GRID1: variants seen among roughly 807,000 people sequenced by gnomAD.
GRID1 encodes the protein glutamate ionotropic receptor delta type subunit 1.
A neutral mutation model predicts 98.0 loss-of-function variants in GRID1; 28 were observed. The observed-to-expected ratio is 0.29, with a 90% confidence interval of 0.21 to 0.39. GRID1 has a LOEUF of 0.39. GRID1 is among the 10% of genes least tolerant of loss of function. GRID1 has a pLI of 1.00. For synonymous variants in GRID1, 553 were observed against 538.5 expected, an observed-to-expected ratio of 1.03 and a Z score of -0.37; for missense variants, 1,111 against 1,340.5, an observed-to-expected ratio of 0.83 and a Z score of 2.67.
In GRID1 at chr10:86,030,348, G is replaced by T. The variant is rs537361547; in HGVS notation, c.726+108471C>A. Among the ~76,000 whole-genome samples the T allele has an allele frequency of 2.0e-5, 3 of 152,340 alleles. 1 individual carries two copies. The South Asian group carries it at 6.2e-4, about 32-fold the overall frequency. ...CGAAGGGATTAATAATTGCAGGAAAGATTCCCCAAAGGTTAACAATAAAGT... is the reference window on the plus strand; with the variant it reads ...CGAAGGGATTAATAATTGCAGGAAATATTCCCCAAAGGTTAACAATAAAGT... On this transcript the variant is annotated intron_variant, in intron 4 of 15. Transcript: ENST00000327946.
chr10:85,880,926 C>T (rs1216493175), intron 5 of GRID1, among the ~76,000 whole-genome samples: 2 of 152,146 alleles, frequency 1.3e-5, no homozygotes, highest in Non-Finnish European at 2.9e-5. Context: ...TCAGCAAAGT[C>T]TCAGGATACA....
At chr10:85,644,691 G>T (rs1374375775) in intron 13 of GRID1, among the ~76,000 whole-genome samples, 3 of 152,098 alleles carry the variant, frequency 2.0e-5, no homozygotes, top group Non-Finnish European at 2.9e-5. Flanking sequence ...GGATACATTG[G>T]AGTGTAATTG....
At chr10:86,263,327 G>A (rs979252401) in intron 2 of GRID1, among the ~76,000 whole-genome samples, 1 of 152,242 alleles carries the variant, frequency 6.6e-6, no homozygotes, top group Non-Finnish European at 1.5e-5. Context: ...ATTGTAAACC[G>A]GCCTTGGAGT....
chr10:85,787,853 G>A (rs113887913), intron 8 of GRID1, among the ~76,000 whole-genome samples: 28 of 152,100 alleles, frequency 1.8e-4, no homozygotes, highest in African/African-American at 6.0e-4. Flanking sequence ...CCCTCTCTCC[G>A]GTTTCTTTCT....
intron 12 of GRID1, among the ~76,000 whole-genome samples, chr10:85,720,796 G>A (rs958501762): frequency 2.6e-5 from 4 of 152,016 alleles, no homozygotes; most frequent in East Asian, 3.9e-4. Flanking sequence ...GAAAATCTTC[G>A]GGGTCTCAGG....
chr10:86,358,922 G>A (rs772057638), intron 2 of GRID1, among the ~76,000 whole-genome samples: 1 of 151,892 alleles, frequency 6.6e-6, no homozygotes, highest in Non-Finnish European at 1.5e-5. Context: ...GCCTTGACCC[G>A]CCATTGCTGG....
intron 4 of GRID1, among the ~76,000 whole-genome samples, chr10:86,038,556 C>T (rs1843302759): frequency 6.6e-6 from 1 of 152,176 alleles, no homozygotes; most frequent in Admixed American, 6.5e-5. Context: ...AGGTGCTGTG[C>T]CCTAAACAGG....
chr10:85,602,692 C>T lies in GRID1; in HGVS notation c.2611G>A (p.Val871Met). ...CGCCGGTGGACCTGCTCCAAGTTCACTTCTTTGTCCTGGAGGGAAGGCATA... is the reference window on the plus strand; with the variant it reads ...CGCCGGTGGACCTGCTCCAAGTTCATTTCTTTGTCCTGGAGGGAAGGCATA... The part of the protein sequence containing the change: ...HQETPKEDKE[V>M]NLEQVHRRMN... Residue 871 changes from valine (V) to methionine (M), a missense_variant, in exon 16 of 16, where the codon GTG (valine) becomes ATG (methionine). Physicochemically the swap from Val to Met is conservative, Grantham distance 21 (BLOSUM62 1). Coordinates refer to ENST00000327946, the MANE Select transcript of GRID1 (RefSeq NM_017551.3). The T allele has an allele frequency of 1.9e-6, 3 of 1,610,796 alleles. No individual in the cohort carries two copies. Among genetic ancestry groups the T allele is most frequent in the East Asian group, 2.2e-5 (1 of 44,806 alleles).
chr10:86,132,566 T>C (rs1485373642), intron 4 of GRID1, among the ~76,000 whole-genome samples: 2 of 152,336 alleles, frequency 1.3e-5, no homozygotes, highest in Middle Eastern at 3.4e-3. Context: ...TTTAAAATAT[T>C]CTGGTAAATG....
At chr10:85,942,050 C>T (rs1842002854) in intron 4 of GRID1, among the ~76,000 whole-genome samples, 1 of 152,210 alleles carries the variant, frequency 6.6e-6, no homozygotes, top group Non-Finnish European at 1.5e-5. Context: ...CCTCCGTCTT[C>T]AGGATCTATC....
At chr10:85,981,640 T>C (rs1288653098) in intron 4 of GRID1, among the ~76,000 whole-genome samples, 1 of 152,196 alleles carries the variant, frequency 6.6e-6, no homozygotes, top group African/African-American at 2.4e-5. Context: ...TTCCCTTTCC[T>C]TCACCATTGC....
At chr10:86,239,334 ACTGGTTTTGAG>A (rs1846590319) in intron 2 of GRID1, among the ~76,000 whole-genome samples, 1 of 152,172 alleles carries the variant, frequency 6.6e-6, no homozygotes, top group African/African-American at 2.4e-5. Flanking sequence ...GAAGTCACTA[ACTGGTTTTGAG>A]CTTGCAGGCT....
At chr10:85,867,297 C>A (rs1173671593) in intron 6 of GRID1, among the ~76,000 whole-genome samples, 1 of 152,174 alleles carries the variant, frequency 6.6e-6, no homozygotes, top group African/African-American at 2.4e-5. Context: ...AGACTGAGTG[C>A]AGTTTAACTA....
At chr10:86,030,745 T>G (rs1843175300) in intron 4 of GRID1, among the ~76,000 whole-genome samples, 1 of 152,198 alleles carries the variant, frequency 6.6e-6, no homozygotes, top group South Asian at 2.1e-4. Context: ...ATGGGAGTCC[T>G]CAGTAAGGCT....
At chr10:86,358,666 G>C (rs1306019272) in intron 2 of GRID1, among the ~76,000 whole-genome samples, 2 of 151,928 alleles carry the variant, frequency 1.3e-5, no homozygotes, top group African/African-American at 4.8e-5. Flanking sequence ...GCTGAGGCGG[G>C]AGAATAGTGT....
Position 85,601,963 on chromosome 10 carries a change from G to T in GRID1, c.*310C>A, listed in dbSNP as rs571955651. 1.1e-4 allele frequency: 29 copies of T among 274,166 alleles called. No individual in the cohort carries two copies. The highest frequency in any genetic ancestry group is 6.3e-4 in the African/African-American group (29 of 45,726). 17.0% of individuals were successfully genotyped at this position (274,166 alleles called of 1,614,324 possible). ...CCTGCCCTCAGAAAGGCCCAGGAAT[G>T]GGGGGGCTCCTTTGGCACTTCAGAA... is the stretch of plus-strand genomic sequence containing the variant. On this transcript the variant is annotated 3_prime_UTR_variant, in exon 16 of 16. Coordinates refer to ENST00000327946, the MANE Select transcript of GRID1 (RefSeq NM_017551.3).
chr10:86,364,153 C>G (rs773719041), intron 1 of GRID1, 57 bp from the exon 2 acceptor site: 1 of 1,520,194 alleles, frequency 6.6e-7, no homozygotes, highest in Non-Finnish European at 9.0e-7. Flanking sequence ...CCCCGCTTCC[C>G]TTGGCCCGAG....
At chr10:85,984,787 C>T (rs751913691) in intron 4 of GRID1, among the ~76,000 whole-genome samples, 9 of 152,100 alleles carry the variant, frequency 5.9e-5, no homozygotes, top group Non-Finnish European at 1.2e-4. Flanking sequence ...ACATTCACAG[C>T]CCCCACCTTG....
intron 2 of GRID1, among the ~76,000 whole-genome samples, chr10:86,326,504 C>T (rs771234584): frequency 6.6e-6 from 1 of 152,132 alleles, no homozygotes; most frequent in Non-Finnish European, 1.5e-5. Context: ...TCTGAAAAAT[C>T]GGAGGGAAAC....
Sources: allele counts gnomAD v4.1 joint callset (sites outside exome capture counted in the v4.1 genomes callset), GRCh38; gene constraint gnomAD v4.1.1; transcripts MANE v1.5; gene names NCBI Gene and HGNC (gene_info 2026-07-23, HGNC 2026-07-21).